Variants in STX8 observed in about 807,000 individuals in gnomAD.
STX8 encodes the protein syntaxin-8.
In STX8, 23 loss-of-function variants were observed where a neutral mutation model predicts 37.5. That is an observed-to-expected ratio of 0.61 (90% CI 0.44 to 0.87). STX8 has a LOEUF of 0.87. Among genes scored for constraint, STX8 ranks in the 40% least tolerant of loss-of-function variants. The pLI, the probability that STX8 is intolerant of heterozygous loss-of-function variation, is 0.00. For missense variants in STX8, 313 were observed against 284.7 expected (o/e 1.10, Z -0.71); for synonymous variants, 115 against 99.1 (o/e 1.16, Z -0.95).
At chr17:9,480,602 G>A (rs1216028431) in intron 6 of STX8, among the ~76,000 whole-genome samples, 1 of 152,248 alleles carries the variant, frequency 6.6e-6, no homozygotes, top group Non-Finnish European at 1.5e-5. Context: ...AGATGGCATG[G>A]GGTAGGGGAG....
At chr17:9,552,688 T>C (rs1012548861) in intron 3 of STX8, 1 of 151,524 alleles carries the variant, frequency 6.6e-6, no homozygotes, top group Non-Finnish European at 1.5e-5. Context: ...AGTCTCGCTC[T>C]TTTGCCCAGA....
At chr17:9,284,980 G>A (rs988559159) in intron 7 of STX8, among the ~76,000 whole-genome samples, 10 of 152,056 alleles carry the variant, frequency 6.6e-5, no homozygotes, top group African/African-American at 2.4e-4. Context: ...AGGGAACCTT[G>A]GCCTTAGGAT....
intron 7 of STX8, among the ~76,000 whole-genome samples, chr17:9,316,128 T>A (rs1199461255): frequency 6.6e-6 from 1 of 152,088 alleles, no homozygotes; most frequent in Admixed American, 6.6e-5. Context: ...AAAGGACACG[T>A]GATGACTTGT....
At chr17:9,298,156 GCA>G (rs201829306) in intron 7 of STX8, among the ~76,000 whole-genome samples, 1 of 100,234 alleles carries the variant, frequency 1.0e-5, no homozygotes, top group Non-Finnish European at 2.1e-5. Context: ...GGCTGGGAAA[GCA>G]CACTCTGTTT....
intron 7 of STX8, among the ~76,000 whole-genome samples, chr17:9,288,793 A>G (rs79209027): frequency 0.14 from 20,637 of 152,074 alleles, 1,816 homozygotes; most frequent in Non-Finnish European, 0.18. Flanking sequence ...AAATAAGGAA[A>G]TTCAAGGATT....
chr17:9,557,769 C>T (rs919462478), intron 2 of STX8, among the ~76,000 whole-genome samples: 4 of 152,172 alleles, frequency 2.6e-5, no homozygotes, highest in Non-Finnish European at 1.5e-5. Flanking sequence ...CCAAGCCAGA[C>T]TGGAACCCCG....
chr17:9,509,543 G>C (rs1044775257), intron 4 of STX8, among the ~76,000 whole-genome samples: 1 of 152,144 alleles, frequency 6.6e-6, no homozygotes, highest in South Asian at 2.1e-4. Context: ...AGTGCTCAAG[G>C]GAGTATTACA....
At chr17:9,255,424 G>C (rs938110483) in intron 7 of STX8, among the ~76,000 whole-genome samples, 1 of 152,118 alleles carries the variant, frequency 6.6e-6, no homozygotes, top group Non-Finnish European at 1.5e-5. Flanking sequence ...CTACTTGGGA[G>C]GCTGAGGCAG....
chr17:9,481,712 C>T (rs1906354528), intron 6 of STX8, among the ~76,000 whole-genome samples: 1 of 152,172 alleles, frequency 6.6e-6, no homozygotes, highest in Non-Finnish European at 1.5e-5. Context: ...GGAACCGAGC[C>T]ACACAGCAGG....
rs763949967 is a variant in STX8, at chr17:9,409,654, C to T, written c.542-31001G>A. ...CAGCACACTTTAATGTCCCTGAGGCCGCCTTCGCTCCAGATGTGTTCAGAA... is the reference window on the plus strand; with the variant it reads ...CAGCACACTTTAATGTCCCTGAGGCTGCCTTCGCTCCAGATGTGTTCAGAA... On this transcript the variant is annotated intron_variant, in intron 6 of 7. Coordinates refer to ENST00000306357, the MANE Select transcript of STX8 (RefSeq NM_004853.3). 7.6e-4 allele frequency among the ~76,000 whole-genome samples: 116 copies of T among 152,104 alleles called. 1 individual carries two copies. Among genetic ancestry groups the T allele is most frequent in the Non-Finnish European group, 9.0e-4 (61 of 68,014 alleles).
chr17:9,287,820 G>A (rs1007632943), intron 7 of STX8, among the ~76,000 whole-genome samples: 1 of 151,556 alleles, frequency 6.6e-6, no homozygotes, highest in Non-Finnish European at 1.5e-5. Flanking sequence ...GGCACATCTC[G>A]GCTCACTGCA....
intron 7 of STX8, among the ~76,000 whole-genome samples, chr17:9,301,124 T>TC (rs1407678574): frequency 1.3e-5 from 2 of 152,036 alleles, no homozygotes; most frequent in Admixed American, 1.3e-4. Flanking sequence ...GAGCCACCAC[T>TC]CCTGGCCCCT....
At chr17:9,559,509 TTATAA>T (rs763212140) in intron 2 of STX8, among the ~76,000 whole-genome samples, 1 of 151,026 alleles carries the variant, frequency 6.6e-6, no homozygotes, top group Non-Finnish European at 1.5e-5. Flanking sequence ...ACAGGGGAAA[TTATAA>T]ACAAAAGAAA....
chr17:9,516,917 C>T (rs189774679), intron 4 of STX8, among the ~76,000 whole-genome samples: 5 of 152,190 alleles, frequency 3.3e-5, no homozygotes, highest in Admixed American at 2.0e-4. Flanking sequence ...TGGTTTTCAA[C>T]CTTCTTTCTG....
At chr17:9,329,532 C>T (rs1433676493) in intron 7 of STX8, among the ~76,000 whole-genome samples, 2 of 152,210 alleles carry the variant, frequency 1.3e-5, no homozygotes, top group Non-Finnish European at 2.9e-5. Context: ...AGCAGAAAGA[C>T]CCAATTATGA....
intron 7 of STX8, among the ~76,000 whole-genome samples, chr17:9,301,059 C>T (rs1908761323): frequency 6.6e-6 from 1 of 152,114 alleles, no homozygotes; most frequent in South Asian, 2.1e-4. Context: ...GTCTTGATCT[C>T]CTGACCTCGT....
At chr17:9,268,349 A>C (rs1164330267) in intron 7 of STX8, among the ~76,000 whole-genome samples, 1 of 151,796 alleles carries the variant, frequency 6.6e-6, no homozygotes, top group Non-Finnish European at 1.5e-5. Context: ...GTGGAAAAGG[A>C]GCCTCTTACC....
chr17:9,486,982 C>T (rs1202803327), intron 6 of STX8, among the ~76,000 whole-genome samples: 3 of 152,154 alleles, frequency 2.0e-5, no homozygotes, highest in Non-Finnish European at 4.4e-5. Context: ...ACGTCATCCA[C>T]TCAGTGTTCC....
intron 7 of STX8, among the ~76,000 whole-genome samples, chr17:9,366,845 A>T (rs1165617927): frequency 6.6e-6 from 1 of 152,164 alleles, no homozygotes; most frequent in African/African-American, 2.4e-5. Flanking sequence ...GAAAAAAGGA[A>T]GGGAAGGAAT....
Sources: allele counts gnomAD v4.1 joint callset (sites outside exome capture counted in the v4.1 genomes callset), GRCh38; gene constraint gnomAD v4.1.1; transcripts MANE v1.5; gene names NCBI Gene and HGNC (gene_info 2026-07-23, HGNC 2026-07-21).